Variants in RMDN2 observed in about 807,000 individuals in gnomAD.
RMDN2 encodes the protein regulator of microtubule dynamics protein 2.
Under a neutral mutation model 52.8 loss-of-function variants are expected in RMDN2, and 61 were observed. The ratio of observed to expected loss-of-function variants is 1.16; its 90% CI spans 0.94 to 1.43. RMDN2 has a LOEUF of 1.43. Ranked by LOEUF, RMDN2 falls within the 40% of genes most tolerant of loss-of-function variation. The probability of loss-of-function intolerance (pLI) is 0.00; values close to 1 mark genes in which losing one functional copy is unlikely to be tolerated. For synonymous variants in RMDN2, 180 were observed against 153.1 expected (o/e 1.18, Z -1.30); for missense variants, 592 against 475.3 (o/e 1.25, Z -2.28).
chr2:37,986,206 G>A (rs745970331), intron 5 of RMDN2, among the ~76,000 whole-genome samples: 4 of 152,134 alleles, frequency 2.6e-5, no homozygotes, highest in South Asian at 2.1e-4. Context: ...ACTGGAACTC[G>A]TTGAGAGGAA....
chr2:37,975,567 G>A (rs143990726), intron 4 of RMDN2, among the ~76,000 whole-genome samples: 1,752 of 152,254 alleles, frequency 0.012, 33 homozygotes, highest in African/African-American at 0.04. Flanking sequence ...TGGGGTGGGA[G>A]GCTAGGGGAG....
In RMDN2 at chr2:38,008,785, G is replaced by A. The variant is rs147904872; in HGVS notation, c.1179+4569G>A. ...GTTATTTCGCTCATTAGCTGATGCA[G>A]TTTCTTCCTAGCCTCGATGGTCTTT... On this transcript the variant is annotated intron_variant, in intron 10 of 10. Transcript: ENST00000354545. Among the ~76,000 whole-genome samples, 877 of 152,336 alleles carry A rather than the reference G, an allele frequency of 5.8e-3. 19 individuals are homozygous for A. The highest frequency in any genetic ancestry group is 0.02 in the African/African-American group (839 of 41,574).
At chr2:37,964,421 G>A (rs1002029076) in intron 2 of RMDN2, among the ~76,000 whole-genome samples, 28 of 152,100 alleles carry the variant, frequency 1.8e-4, no homozygotes, top group African/African-American at 6.3e-4. Context: ...TATTTGCCTT[G>A]TGATTGCATC....
downstream of RMDN2, among the ~76,000 whole-genome samples, chr2:38,022,619 A>G (rs1007688990): frequency 3.3e-5 from 5 of 152,236 alleles, no homozygotes; most frequent in Admixed American, 1.3e-4. Context: ...TAAAACATTA[A>G]AGAAGTAACT....
upstream of RMDN2, among the ~76,000 whole-genome samples, chr2:37,925,147 G>A (rs1666162116): frequency 6.6e-6 from 1 of 152,198 alleles, no homozygotes; most frequent in African/African-American, 2.4e-5. Context: ...GCGCGAGCCA[G>A]GCGCCCCGCG....
chr2:37,929,569 G>C lies in RMDN2; in HGVS notation c.292G>C (p.Glu98Gln), dbSNP rs1666554494. The C allele has an allele frequency of 9.0e-6, 14 of 1,551,904 alleles. No homozygotes were observed. Among genetic ancestry groups the C allele is most frequent in the Non-Finnish European group, 1.1e-5 (13 of 1,147,006 alleles). The change falls in exon 2 of 11, where the codon GAA becomes CAA. Residue 98 changes from glutamate (E) to glutamine (Q), a missense_variant. Coordinates refer to ENST00000354545, the MANE Select transcript of RMDN2 (RefSeq NM_001170791.3). ...ELKEEIRFLK[E>Q]AIPKLEEYIQ... The stretch of plus-strand genomic sequence containing the variant: ...CAAAGAGGAAATCAGATTTCTTAAA[G>C]AAGCTATTCCAAAGCTGGAGGAATA...
chr2:37,945,872 T>C (rs575829081), intron 2 of RMDN2, among the ~76,000 whole-genome samples: 24 of 152,152 alleles, frequency 1.6e-4, no homozygotes, highest in Middle Eastern at 3.2e-3. Context: ...CTTAAGAAAG[T>C]ACACGGTGTC....
chr2:37,936,374 A>T (rs972340056), intron 2 of RMDN2, among the ~76,000 whole-genome samples: 1 of 152,184 alleles, frequency 6.6e-6, no homozygotes, highest in Non-Finnish European at 1.5e-5. Flanking sequence ...GTGTCTTTAC[A>T]GTAGAATGCT....
chr2:37,993,205 A>C (rs1265479649), intron 7 of RMDN2, among the ~76,000 whole-genome samples: 1 of 152,164 alleles, frequency 6.6e-6, no homozygotes, highest in African/African-American at 2.4e-5. Context: ...GATTACAGGC[A>C]TGAACCACCG....
intron 10 of RMDN2, among the ~76,000 whole-genome samples, chr2:38,013,130 C>T (rs1479840895): frequency 3.3e-5 from 5 of 152,166 alleles, no homozygotes; most frequent in Non-Finnish European, 7.3e-5. Context: ...TCCTGAGAAA[C>T]ATTTCTTTTT....
At chr2:38,050,851 G>A (rs998192225) in intron 10 of RMDN2, among the ~76,000 whole-genome samples, 3 of 152,116 alleles carry the variant, frequency 2.0e-5, no homozygotes, top group Non-Finnish European at 4.4e-5. Context: ...CTCCGCCTCC[G>A]GAGTTCAAGC....
intron 7 of RMDN2, among the ~76,000 whole-genome samples, chr2:37,996,388 C>T (rs1675537750): frequency 1.3e-5 from 2 of 151,722 alleles, no homozygotes; most frequent in South Asian, 4.2e-4. Flanking sequence ...AGTTCAGGAC[C>T]AGCCTGGACA....
intron 2 of RMDN2, among the ~76,000 whole-genome samples, chr2:37,959,667 T>C (rs1000320832): frequency 6.6e-6 from 1 of 151,036 alleles, no homozygotes; most frequent in Non-Finnish European, 1.5e-5. Context: ...TGCTCAGATC[T>C]TAGTTATTTC....
intron 2 of RMDN2, among the ~76,000 whole-genome samples, chr2:37,963,904 G>GCT (rs1553358109): frequency 1.3e-5 from 2 of 148,694 alleles, no homozygotes; most frequent in Non-Finnish European, 3.0e-5. Context: ...GGGCAGAGGC[G>GCT]CCCCCCCACC....
intron 10 of RMDN2, among the ~76,000 whole-genome samples, chr2:38,028,989 G>T (rs1679983549): frequency 6.6e-6 from 1 of 152,150 alleles, no homozygotes; most frequent in African/African-American, 2.4e-5. Context: ...TTTTATGTGG[G>T]GCAGGAAGGC....
chr2:37,954,260 A>G (rs997102085), intron 2 of RMDN2, among the ~76,000 whole-genome samples: 3 of 152,032 alleles, frequency 2.0e-5, no homozygotes, highest in African/African-American at 7.2e-5. Context: ...GCCACATCCA[A>G]TAAATCATTG....
chr2:38,050,128 A>G (rs1187047163), intron 10 of RMDN2, among the ~76,000 whole-genome samples: 1 of 152,174 alleles, frequency 6.6e-6, no homozygotes, highest in African/African-American at 2.4e-5. Flanking sequence ...ACTGGCAGAG[A>G]GGATTTGAAC....
At chr2:38,019,900 C>G (rs1007177773), downstream of RMDN2, among the ~76,000 whole-genome samples, 5 of 152,100 alleles carry the variant, frequency 3.3e-5, no homozygotes, top group African/African-American at 7.3e-5. Context: ...ACTCCACTCT[C>G]CACAGCACTC....
intron 10 of RMDN2, among the ~76,000 whole-genome samples, chr2:38,059,877 G>A (rs111538553): frequency 2.4e-3 from 363 of 151,890 alleles, no homozygotes; most frequent in African/African-American, 8.1e-3. Flanking sequence ...TTTTGTTGTC[G>A]TTGGTTTTTT....
Sources: gnomAD v4.1 joint callset for allele counts (sites outside exome capture counted in the v4.1 genomes callset) on GRCh38, gnomAD v4.1.1 for gene constraint, MANE v1.5 for transcripts, NCBI Gene and HGNC (gene_info 2026-07-23, HGNC 2026-07-21) for gene names.